The following DPP10 variants were observed in gnomAD, a reference collection of about 807,000 sequenced individuals.
The protein encoded by DPP10 is dipeptidyl peptidase like 10, also known as inactive dipeptidyl peptidase 10.
DPP10 carries 33 observed loss-of-function variants against 120.9 expected under a neutral mutation model. The observed-to-expected ratio is 0.27, with a 90% CI of 0.21 to 0.37. The LOEUF (loss-of-function observed/expected upper bound fraction) is 0.37. DPP10 is among the 10% of genes least tolerant of loss of function. DPP10 has a pLI of 1.00. For missense variants in DPP10, 816 were observed against 942.8 expected (o/e 0.87, Z 1.76); for synonymous variants, 337 against 326.1 (o/e 1.03, Z -0.36).
At chr2:114,582,332 T>C (rs1416711114) in intron 1 of DPP10, among the ~76,000 whole-genome samples, 5 of 152,234 alleles carry the variant, frequency 3.3e-5, no homozygotes, top group African/African-American at 1.2e-4. Context: ...TAATTTATTC[T>C]TTCACCTACT....
chr2:114,709,861 A>G (rs960952724), intron 1 of DPP10, among the ~76,000 whole-genome samples: 3 of 152,148 alleles, frequency 2.0e-5, no homozygotes, highest in Non-Finnish European at 4.4e-5. Context: ...TATCTTTTAA[A>G]GGTTTGGAAG....
chr2:115,169,258 G>A (rs1328387702), intron 1 of DPP10, among the ~76,000 whole-genome samples: 2 of 152,124 alleles, frequency 1.3e-5, no homozygotes, highest in Non-Finnish European at 2.9e-5. Flanking sequence ...CTATGTGAAT[G>A]AGTTTTTATT....
intron 3 of DPP10, among the ~76,000 whole-genome samples, chr2:115,388,399 A>G (rs1008833204): frequency 6.6e-6 from 1 of 152,222 alleles, no homozygotes; most frequent in Non-Finnish European, 1.5e-5. Flanking sequence ...ACCTGGCTGC[A>G]GAAGATTGTC....
intron 1 of DPP10, among the ~76,000 whole-genome samples, chr2:115,249,410 A>G (rs1214686358): frequency 1.3e-5 from 2 of 152,142 alleles, no homozygotes; most frequent in East Asian, 3.9e-4. Flanking sequence ...AACCACATAA[A>G]TCACGTGGTA....
chr2:115,791,017 T>C (rs1462733682), intron 17 of DPP10, 64 bp from the exon 18 acceptor site: 1 of 1,171,258 alleles, frequency 8.5e-7, no homozygotes, highest in Non-Finnish European at 1.2e-6. Context: ...TTTTTTGTTG[T>C]GTCACACTGA....
rs527389945 is a variant in DPP10 at position 114,774,122 on chromosome 2, C to T, written c.60+331284C>T. Among the ~76,000 whole-genome samples, 14 of 152,184 alleles carry T rather than the reference C, an allele frequency of 9.2e-5. 2 individuals carry two copies. In the South Asian group the frequency reaches 2.7e-3, roughly 29 times the overall value. On this transcript the variant is annotated intron_variant, in intron 1 of 25. Transcript: ENST00000410059. ...CACATATTTATATGTATTCATTCAA[C>T]ACATGCACTGTGGGTTGTATTCTGT...
At chr2:115,798,304 A>T (rs1684770900) in intron 19 of DPP10, among the ~76,000 whole-genome samples, 1 of 152,012 alleles carries the variant, frequency 6.6e-6, no homozygotes, top group African/African-American at 2.4e-5. Flanking sequence ...TTTTTAAGAA[A>T]AAACATATTA....
At chr2:115,539,935 TA>T (rs983330480) in intron 5 of DPP10, among the ~76,000 whole-genome samples, 5 of 151,898 alleles carry the variant, frequency 3.3e-5, no homozygotes, top group African/African-American at 1.2e-4. Flanking sequence ...GAGTTTATAC[TA>T]ATTAATTTTC....
At chr2:115,743,785 C>T (rs1180647722) in intron 9 of DPP10, among the ~76,000 whole-genome samples, 1 of 150,564 alleles carries the variant, frequency 6.6e-6, no homozygotes, top group East Asian at 1.9e-4. Flanking sequence ...GAATCTTTAG[C>T]ATGTGCTCAT....
chr2:115,276,705 G>A (rs2059934585), intron 1 of DPP10, among the ~76,000 whole-genome samples: 1 of 152,178 alleles, frequency 6.6e-6, no homozygotes, highest in Non-Finnish European at 1.5e-5. Context: ...ATCTTTATTG[G>A]TGGCACTGTA....
rs541848528 is a variant in DPP10 at position 115,369,302 on chromosome 2, A to G, written c.271+25390A>G. Among the ~76,000 whole-genome samples the G allele has an allele frequency of 2.3e-3, 352 of 152,238 alleles. 3 individuals are homozygous for G. The highest frequency in any genetic ancestry group is 7.6e-3 in the African/African-American group (318 of 41,570). On this transcript the variant is annotated intron_variant, in intron 3 of 25. Coordinates refer to ENST00000410059, the MANE Select transcript of DPP10 (RefSeq NM_020868.6). ...ACAAGATTATTTCATAAACAAGTCT[A>G]TATATTCACAACAAAGGAGAAAGTA...
intron 3 of DPP10, among the ~76,000 whole-genome samples, chr2:115,387,893 A>G (rs181685294): frequency 5.3e-5 from 8 of 151,920 alleles, no homozygotes; most frequent in Non-Finnish European, 7.3e-5. Context: ...TATGTTGATA[A>G]GTGCTGTAAA....
chr2:115,592,867 C>A (rs1354309413), intron 5 of DPP10, among the ~76,000 whole-genome samples: 1 of 152,118 alleles, frequency 6.6e-6, no homozygotes, highest in Non-Finnish European at 1.5e-5. Flanking sequence ...AAAAAGATAC[C>A]TTTGCAAGGC....
chr2:115,312,375 C>A (rs1046825139), intron 2 of DPP10, among the ~76,000 whole-genome samples: 3 of 152,158 alleles, frequency 2.0e-5, no homozygotes, highest in Non-Finnish European at 4.4e-5. Context: ...ATGGCCTTTA[C>A]GGTGGGCTCA....
At chr2:115,492,800 TG>T (rs1189079326) in intron 3 of DPP10, among the ~76,000 whole-genome samples, 1 of 151,736 alleles carries the variant, frequency 6.6e-6, no homozygotes. Flanking sequence ...CACATCAAAA[TG>T]GAATAAAAAA....
chr2:115,763,992 A>G (rs1406546887), intron 12 of DPP10, among the ~76,000 whole-genome samples: 1 of 152,090 alleles, frequency 6.6e-6, no homozygotes, highest in African/African-American at 2.4e-5. Flanking sequence ...AAGCCTATTT[A>G]TTTTTCAAAC....
intron 1 of DPP10, among the ~76,000 whole-genome samples, chr2:114,822,425 T>C (rs1027156705): frequency 6.6e-6 from 1 of 152,074 alleles, no homozygotes; most frequent in Non-Finnish European, 1.5e-5. Flanking sequence ...TCTTAGCCTC[T>C]CAGCCTGTAA....
At chr2:115,697,385 AAG>A (rs34942534) in intron 7 of DPP10, among the ~76,000 whole-genome samples, 18,288 of 151,926 alleles carry the variant, frequency 0.12, 1,322 homozygotes, top group Non-Finnish European at 0.16. Context: ...AAAGAATGGA[AAG>A]AGATATTTCA....
chr2:115,294,521 T>G (rs1333979663), intron 1 of DPP10, among the ~76,000 whole-genome samples: 1 of 152,026 alleles, frequency 6.6e-6, no homozygotes, highest in Non-Finnish European at 1.5e-5. Context: ...TTTTGCTTTT[T>G]GGGGGGAAGG....
Sources: gnomAD v4.1 joint callset for allele counts (sites outside exome capture counted in the v4.1 genomes callset) on GRCh38, gnomAD v4.1.1 for gene constraint, MANE v1.5 for transcripts, NCBI Gene and HGNC (gene_info 2026-07-23, HGNC 2026-07-21) for gene names.